Variants in ACOXL observed in about 807,000 individuals in gnomAD.
The protein encoded by ACOXL is acyl-coenzyme A oxidase-like protein.
A neutral mutation model predicts 71.9 loss-of-function variants in ACOXL; 70 were observed. The ratio of observed to expected loss-of-function variants is 0.97; its 90% CI spans 0.80 to 1.19. ACOXL has a LOEUF of 1.19. Ranked by LOEUF, ACOXL falls within the 50% of genes most tolerant of loss-of-function variation. ACOXL has a pLI of 0.00. For missense variants in ACOXL, 703 were observed against 736.3 expected (o/e 0.95, Z 0.52); for synonymous variants, 253 against 281.6 (o/e 0.90, Z 1.02).
At chr2:110,755,925 T>G (rs1212985025) in intron 1 of ACOXL, among the ~76,000 whole-genome samples, 2 of 152,182 alleles carry the variant, frequency 1.3e-5, no homozygotes, top group Non-Finnish European at 2.9e-5. Flanking sequence ...TACACACACA[T>G]GCAAGCAATA....
intron 9 of ACOXL, among the ~76,000 whole-genome samples, chr2:110,812,277 C>T (rs1181595128): frequency 1.3e-5 from 2 of 152,156 alleles, no homozygotes; most frequent in Admixed American, 1.3e-4. Context: ...CAGTTGTTTA[C>T]ATATTTAACA....
intron 15 of ACOXL, among the ~76,000 whole-genome samples, chr2:111,039,423 C>T (rs893619299): frequency 6.7e-6 from 1 of 148,944 alleles, no homozygotes; most frequent in Non-Finnish European, 1.5e-5. Flanking sequence ...AAAAAAAAGG[C>T]AGCGTTTATC....
chr2:110,734,623 G>A (rs1216838937), intron 1 of ACOXL, among the ~76,000 whole-genome samples: 1 of 152,020 alleles, frequency 6.6e-6, no homozygotes, highest in African/African-American at 2.4e-5. Context: ...GAGTTCAGTC[G>A]CATCTGATTA....
intron 12 of ACOXL, among the ~76,000 whole-genome samples, chr2:110,940,545 C>G (rs1402909980): frequency 6.6e-6 from 1 of 152,196 alleles, no homozygotes; most frequent in Non-Finnish European, 1.5e-5. Context: ...TCAGTTTTTT[C>G]TAACTGCTTG....
intron 10 of ACOXL, among the ~76,000 whole-genome samples, chr2:110,897,171 G>T (rs2059045687): frequency 6.6e-6 from 1 of 152,126 alleles, no homozygotes; most frequent in South Asian, 2.1e-4. Context: ...TAAAAAATAT[G>T]TTGAACTAGA....
intron 12 of ACOXL, among the ~76,000 whole-genome samples, chr2:110,982,963 T>C (rs2062779389): frequency 6.6e-6 from 1 of 152,202 alleles, no homozygotes; most frequent in Admixed American, 6.5e-5. Context: ...TCATTTTGCG[T>C]TGGGCCCCAA....
At chr2:111,053,529 C>G (rs35875858) in intron 16 of ACOXL, among the ~76,000 whole-genome samples, 12,187 of 152,254 alleles carry the variant, frequency 0.08, 604 homozygotes, top group Non-Finnish European at 0.11. Flanking sequence ...TTGACTTTGC[C>G]TAGCAGGCCT....
intron 15 of ACOXL, among the ~76,000 whole-genome samples, chr2:111,048,985 G>T (rs2066153276): frequency 6.6e-6 from 1 of 152,194 alleles, no homozygotes; most frequent in African/African-American, 2.4e-5. Context: ...GAGCTTTGCT[G>T]ATGGGAATGG....
chr2:110,825,590 A>T (rs547356209), intron 9 of ACOXL, among the ~76,000 whole-genome samples: 33 of 152,202 alleles, frequency 2.2e-4, no homozygotes, highest in Non-Finnish European at 2.1e-4. Context: ...TGTAGACAAC[A>T]TCCTTAATTT....
intron 16 of ACOXL, among the ~76,000 whole-genome samples, chr2:111,063,803 A>G (rs1262997049): frequency 6.6e-6 from 1 of 152,230 alleles, no homozygotes; most frequent in Non-Finnish European, 1.5e-5. Flanking sequence ...GAAATAAAAG[A>G]CATATCCTTT....
intron 12 of ACOXL, among the ~76,000 whole-genome samples, chr2:110,952,115 G>A (rs753758468): frequency 1.3e-5 from 2 of 152,104 alleles, no homozygotes; most frequent in Admixed American, 1.3e-4. Context: ...AGACCTTGTG[G>A]TTTCTTTCTA....
intron 12 of ACOXL, among the ~76,000 whole-genome samples, chr2:110,975,188 T>C (rs1049252749): frequency 2.0e-5 from 3 of 152,214 alleles, no homozygotes; most frequent in Admixed American, 6.5e-5. Context: ...CCCGAGGGTA[T>C]TTTCCTAAGG....
rs183013878 is a variant in ACOXL at position 110,874,964 on chromosome 2, C to T, written c.788+33559C>T. ...GTGTTATCTGGGAGCGGGATTCTCACTGACCTTGTTCCCTTGTCCTGCCAC... is the reference window on the plus strand; with the variant it reads ...GTGTTATCTGGGAGCGGGATTCTCATTGACCTTGTTCCCTTGTCCTGCCAC... On this transcript the variant is annotated intron_variant, in intron 10 of 17. Coordinates refer to ENST00000439055, the MANE Select transcript of ACOXL (RefSeq NM_001142807.4). Among the ~76,000 whole-genome samples, 215 of 152,280 alleles carry T rather than the reference C, an allele frequency of 1.4e-3. 2 individuals are homozygous for T. Among genetic ancestry groups the T allele is most frequent in the African/African-American group, 4.4e-3 (182 of 41,558 alleles).
rs1022613220 is a variant in ACOXL at position 110,832,261 on chromosome 2, G to A, written c.754-9110G>A. Among the ~76,000 whole-genome samples, 10 of 152,150 alleles carry A rather than the reference G, an allele frequency of 6.6e-5. No homozygotes were observed. The East Asian group carries it at 9.6e-4, about 15-fold the overall frequency. The stretch of plus-strand genomic sequence containing the variant: ...CCTTTAAAGAACAAACTAGTAGGCC[G>A]GGCGCGGTGGCTCACGCCTGTAATC... On this transcript the variant is annotated intron_variant, in intron 9 of 17. Coordinates refer to ENST00000439055, the MANE Select transcript of ACOXL (RefSeq NM_001142807.4).
chr2:110,972,034 G>A (rs1483079887), intron 12 of ACOXL, among the ~76,000 whole-genome samples: 1 of 152,134 alleles, frequency 6.6e-6, no homozygotes, highest in Admixed American at 6.6e-5. Context: ...GTGTGTTATG[G>A]GAATGATCAC....
chr2:110,805,242 C>T, intron 8 of ACOXL, 21 bp from the exon 9 acceptor site: 1 of 1,612,856 alleles, frequency 6.2e-7, no homozygotes, highest in Non-Finnish European at 8.5e-7. Context: ...TTTTGTGAAA[C>T]CCCACCTCTC....
In ACOXL at chr2:110,784,826, C is replaced by T; in HGVS notation, c.159+11C>T. The T allele has an allele frequency of 6.3e-7, 1 of 1,592,532 alleles. No homozygotes were observed. ...GCCACAGGAGTGAAGGTGAGAGGCG[C>T]CGGGCACCTGCCCTTCATGAATGCA... On this transcript the variant is annotated intron_variant, in intron 3 of 17. Transcript: ENST00000439055.
chr2:110,747,104 G>A (rs1052827969), intron 1 of ACOXL, among the ~76,000 whole-genome samples: 2 of 152,168 alleles, frequency 1.3e-5, no homozygotes, highest in Non-Finnish European at 1.5e-5. Context: ...AACCTATGAG[G>A]AACTGGGGGA....
rs1379004558 is a variant in ACOXL at position 111,084,308 on chromosome 2, C to CAA, written c.1441-8556_1441-8555dup. 9.1e-5 allele frequency among the ~76,000 whole-genome samples: 12 copies of CAA among 132,434 alleles called. No homozygotes were observed. The South Asian group carries it at 2.2e-3, about 24-fold the overall frequency. The allele number at this position is 132,434 out of a possible 152,430, so 86.9% of individuals were successfully genotyped here. A position where few individuals can be genotyped will look rare whatever the true frequency, so the allele number is the denominator to read the frequency against. On this transcript the variant is annotated intron_variant, in intron 16 of 17. Transcript: ENST00000439055. ...ACACACACACACACACACACACACACAAGAAGTGGAAGGATTGTGGGGGAG... is the reference window on the plus strand; with the variant it reads ...ACACACACACACACACACACACACACAAAAGAAGTGGAAGGATTGTGGGGGAG...
Sources: gnomAD v4.1 joint callset for allele counts (sites outside exome capture counted in the v4.1 genomes callset) on GRCh38, gnomAD v4.1.1 for gene constraint, MANE v1.5 for transcripts, NCBI Gene and HGNC (gene_info 2026-07-23, HGNC 2026-07-21) for gene names.